The following IL1RL1 variants were observed in gnomAD, a reference collection of about 807,000 sequenced individuals.
The protein encoded by IL1RL1 is interleukin-1 receptor-like 1.
Under a neutral mutation model 50.9 loss-of-function variants are expected in IL1RL1, and 32 were observed. That is an observed-to-expected ratio of 0.63 (90% confidence interval 0.47 to 0.84). IL1RL1 has a LOEUF of 0.84. Ranked by LOEUF, IL1RL1 falls within the 40% of genes least tolerant of loss-of-function variation. The pLI is 0.00. For missense variants in IL1RL1, 773 were observed against 662.9 expected (o/e 1.17, Z -1.82); for synonymous variants, 275 against 236.0 (o/e 1.17, Z -1.51).
At chr2:102,350,432 G>A (rs1677895375) in intron 10 of IL1RL1, among the ~76,000 whole-genome samples, 2 of 152,244 alleles carry the variant, frequency 1.3e-5, no homozygotes, top group African/African-American at 4.8e-5. Flanking sequence ...AATCTGGAAT[G>A]GTTTTCTACT....
chr2:102,325,366 A>G (rs1481251813), intron 1 of IL1RL1, among the ~76,000 whole-genome samples: 1 of 152,194 alleles, frequency 6.6e-6, no homozygotes. Flanking sequence ...CATCATCATC[A>G]AAGACCAAAG....
intron 5 of IL1RL1, among the ~76,000 whole-genome samples, chr2:102,341,691 C>T (rs189740687): frequency 6.6e-6 from 1 of 152,226 alleles, no homozygotes; most frequent in East Asian, 1.9e-4. Flanking sequence ...AATAAATGAG[C>T]ATGAAGGGAT....
In IL1RL1 at chr2:102,340,810, AG is replaced by A. The variant is rs866559697; in HGVS notation, c.594del (p.Arg198SerfsTer16). On this transcript the variant is annotated frameshift_variant, in exon 5 of 11. Transcript: ENST00000233954. LOFTEE classifies it high-confidence loss of function. ...AGCCAATTATAGTGTGACGGCGACCAGGTCCTTCACGGTCAAGGGTAAGCTA... is the reference window on the plus strand; with the variant it reads ...AGCCAATTATAGTGTGACGGCGACCAGTCCTTCACGGTCAAGGGTAAGCTA... ...NGANYSVTATRSFTVKDEQGF... is the reference protein window; with the variant it reads ...NGANYSVTATXSFTVKDEQGF... 1 of 1,575,680 alleles carries A rather than the reference AG, an allele frequency of 6.3e-7. No individual in the cohort carries two copies. Among genetic ancestry groups the A allele is most frequent in the African/African-American group, 1.4e-5 (1 of 71,630 alleles).
chr2:102,324,189 TC>T (rs1236846324), intron 1 of IL1RL1, among the ~76,000 whole-genome samples: 1 of 152,120 alleles, frequency 6.6e-6, no homozygotes, highest in African/African-American at 2.4e-5. Context: ...CTTAGGTAAA[TC>T]CCCAGGAAGA....
At chr2:102,348,772 C>T (rs1207864897) in intron 9 of IL1RL1, among the ~76,000 whole-genome samples, 1 of 152,166 alleles carries the variant, frequency 6.6e-6, no homozygotes, top group Non-Finnish European at 1.5e-5. Context: ...AAAGTCTATT[C>T]AGCACAGAAG....
At chr2:102,337,572 G>A (rs1677373954) in intron 1 of IL1RL1, among the ~76,000 whole-genome samples, 1 of 152,148 alleles carries the variant, frequency 6.6e-6, no homozygotes, top group Admixed American at 6.6e-5. Flanking sequence ...CTGGGAACAA[G>A]CTGAGTCAGG....
intron 1 of IL1RL1, among the ~76,000 whole-genome samples, chr2:102,318,365 G>A (rs569237231): frequency 4.0e-4 from 60 of 148,254 alleles, no homozygotes; most frequent in African/African-American, 1.5e-3. Flanking sequence ...AGAGGTATAA[G>A]GATACCTCCA....
In IL1RL1 at chr2:102,339,034, T is replaced by C. The variant is rs771990514; in HGVS notation, c.259T>C (p.Cys87Arg). 6.2e-7 allele frequency: 1 copy of C among 1,610,624 alleles called. No individual in the cohort carries two copies. Among genetic ancestry groups the C allele is most frequent in the South Asian group, 1.1e-5 (1 of 91,022 alleles). ...AAVADSGIYTCIVRSPTFNRT... is the reference protein window; with the variant it reads ...AAVADSGIYTRIVRSPTFNRT... ...AGTTGCTGATTCTGGTATTTATACC[T>C]GTATTGTCAGAAGGTATTATGCAGA... The change falls in exon 3 of 11, where the codon TGT becomes CGT. Residue 87 changes from cysteine (C) to arginine (R), a missense_variant. Physicochemically the swap from Cys to Arg is radical, Grantham distance 180. Coordinates refer to ENST00000233954, the MANE Select transcript of IL1RL1 (RefSeq NM_016232.5).
At chr2:102,313,708 T>G (rs1676588222) in intron 1 of IL1RL1, among the ~76,000 whole-genome samples, 1 of 152,136 alleles carries the variant, frequency 6.6e-6, no homozygotes. Flanking sequence ...GGTGATGACT[T>G]TGAGCCAGGC....
In IL1RL1 at chr2:102,338,232, G is replaced by T. The variant is rs1263846587; in HGVS notation, c.-33G>T. 4 of 1,503,404 alleles carry T rather than the reference G, an allele frequency of 2.7e-6. No individual in the cohort carries two copies. Among genetic ancestry groups the T allele is most frequent in the South Asian group, 1.1e-5 (1 of 87,240 alleles). 93.1% of individuals were successfully genotyped at this position (1,503,404 alleles called of 1,614,324 possible). A position where few individuals can be genotyped will look rare whatever the true frequency, so the allele number is the denominator to read the frequency against. ...TCATCTGGAGTAATCTCAACAACGAGTTACCAATACTTGCTCTTGATTGAT... is the reference window on the plus strand; with the variant it reads ...TCATCTGGAGTAATCTCAACAACGATTTACCAATACTTGCTCTTGATTGAT... On this transcript the variant is annotated 5_prime_UTR_variant, in exon 2 of 11. Coordinates refer to ENST00000233954, the MANE Select transcript of IL1RL1 (RefSeq NM_016232.5).
Position 102,342,477 on chromosome 2 carries a change from C to G in IL1RL1, c.682+183C>G, listed in dbSNP as rs539337039. Among the ~76,000 whole-genome samples, 3 of 152,278 alleles carry G rather than the reference C, an allele frequency of 2.0e-5. No homozygotes were observed. The South Asian group carries it at 6.2e-4, about 32-fold the overall frequency. On this transcript the variant is annotated intron_variant, in intron 6 of 10. Coordinates refer to ENST00000233954, the MANE Select transcript of IL1RL1 (RefSeq NM_016232.5). ...GCTAATATTGGGAACAGGGACACAG[C>G]AATTGCAGTGTTTACATTTGTTTAT...
intron 1 of IL1RL1, among the ~76,000 whole-genome samples, chr2:102,323,251 A>T (rs925964088): frequency 2.9e-5 from 4 of 137,788 alleles, no homozygotes; most frequent in Non-Finnish European, 4.6e-5. Context: ...TAGGTTTTAT[A>T]TATATATATA....
intron 1 of IL1RL1, among the ~76,000 whole-genome samples, chr2:102,325,411 G>A (rs1174523123): frequency 6.6e-6 from 1 of 151,936 alleles, no homozygotes; most frequent in African/African-American, 2.4e-5. Flanking sequence ...AAAAAACAGA[G>A]CAGAAAAACT....
rs573215428 is a variant in IL1RL1, at chr2:102,345,752, G to A, written c.971-2193G>A. ...ATGGCTATAAGTGCCGTAGTGTTCT[G>A]TGGGTCTCTGGTGTCTGCCAGTGAT... On this transcript the variant is annotated intron_variant, in intron 8 of 10. Transcript: ENST00000233954. The A allele has an allele frequency of 2.2e-5, 22 of 985,402 alleles. No homozygotes were observed. In the South Asian group the frequency reaches 8.9e-4, roughly 40 times the overall value. The allele number at this position is 985,402 out of a possible 1,614,324, so 61.0% of individuals were successfully genotyped here. A position where few individuals can be genotyped will look rare whatever the true frequency, so the allele number is the denominator to read the frequency against.
Position 102,351,950 on chromosome 2 carries a change from A to G in IL1RL1, c.*29A>G. On this transcript the variant is annotated 3_prime_UTR_variant, in exon 11 of 11. Coordinates refer to ENST00000233954, the MANE Select transcript of IL1RL1 (RefSeq NM_016232.5). ...CTGCTGTGATGTGCAAAGGCATCTG[A>G]GTTTGAAGCTTTCCTGACTTCTCCT... is the stretch of plus-strand genomic sequence containing the variant. 1 of 1,570,542 alleles carries G rather than the reference A, an allele frequency of 6.4e-7. No homozygotes were observed. The highest frequency in any genetic ancestry group is 8.6e-7 in the Non-Finnish European group (1 of 1,159,948).
chr2:102,337,644 A>C (rs1007112559), intron 1 of IL1RL1, among the ~76,000 whole-genome samples: 7 of 152,186 alleles, frequency 4.6e-5, no homozygotes, highest in Non-Finnish European at 8.8e-5. Context: ...GCTTTAGTCT[A>C]GTTCTGATTT....
At chr2:102,312,585 C>T (rs1339664014) in intron 1 of IL1RL1, among the ~76,000 whole-genome samples, 1 of 151,888 alleles carries the variant, frequency 6.6e-6, no homozygotes, top group South Asian at 2.1e-4. Flanking sequence ...ACAAATGAAG[C>T]AAGAAGCTGC....
rs554292557 is a variant in IL1RL1 at position 102,323,199 on chromosome 2, G to A, written c.-150+11576G>A. Among the ~76,000 whole-genome samples, 11 of 149,560 alleles carry A rather than the reference G, an allele frequency of 7.4e-5. 1 individual carries two copies. The highest frequency in any genetic ancestry group is 6.0e-4 in the Admixed American group (9 of 15,000). ...TTTGTTAATTCTCTTGGGTAAGGGG[G>A]GAGTTATTGAGCCATACAGTAGATG... is the stretch of plus-strand genomic sequence containing the variant. On this transcript the variant is annotated intron_variant, in intron 1 of 10. Coordinates refer to ENST00000233954, the MANE Select transcript of IL1RL1 (RefSeq NM_016232.5).
Position 102,352,029 on chromosome 2 carries a change from T to C in IL1RL1, c.*108T>C. On this transcript the variant is annotated 3_prime_UTR_variant, in exon 11 of 11. Coordinates refer to ENST00000233954, the MANE Select transcript of IL1RL1 (RefSeq NM_016232.5). Reference sequence around the variant, plus strand: ...TGAGGAGCAGGAATATTAAAGGGATTCAGGCCTCAGGTTTCATCTGGTAAC... The same window carrying C: ...TGAGGAGCAGGAATATTAAAGGGATCCAGGCCTCAGGTTTCATCTGGTAAC... The C allele has an allele frequency of 9.0e-7, 1 of 1,114,532 alleles. No individual in the cohort carries two copies. Among genetic ancestry groups the C allele is most frequent in the Admixed American group, 2.4e-5 (1 of 41,810 alleles). 69.0% of individuals were successfully genotyped at this position (1,114,532 alleles called of 1,614,324 possible).
Sources: allele counts gnomAD v4.1 joint callset (sites outside exome capture counted in the v4.1 genomes callset), GRCh38; gene constraint gnomAD v4.1.1; transcripts MANE v1.5; gene names NCBI Gene and HGNC (gene_info 2026-07-23, HGNC 2026-07-21).